Variants in ADAM22 observed in about 807,000 individuals in gnomAD.
ADAM22 encodes disintegrin and metalloproteinase domain-containing protein 22.
Under a neutral mutation model 144.6 loss-of-function variants are expected in ADAM22, and 65 were observed. That is an observed-to-expected ratio of 0.45 (90% CI 0.37 to 0.55). The LOEUF (loss-of-function observed/expected upper bound fraction) is 0.55. Among genes scored for constraint, ADAM22 ranks in the 20% least tolerant of loss-of-function variants. The pLI, the probability that ADAM22 is intolerant of heterozygous loss-of-function variation, is 0.00. For synonymous variants in ADAM22, 391 were observed against 412.6 expected (o/e 0.95, Z 0.63); for missense variants, 974 against 1,184.9 (o/e 0.82, Z 2.61).
At chr7:88,127,751 G>C (rs1387970638) in intron 8 of ADAM22, among the ~76,000 whole-genome samples, 1 of 151,968 alleles carries the variant, frequency 6.6e-6, no homozygotes, top group East Asian at 1.9e-4. Context: ...CCTTGGGCAA[G>C]TGAGCAAAAC....
rs764108242 is a variant in ADAM22, at chr7:88,181,725, G to A, written c.2596+120G>A. 4.5e-4 allele frequency: 402 copies of A among 897,114 alleles called. 1 individual carries two copies. The highest frequency in any genetic ancestry group is 6.7e-4 in the Middle Eastern group (3 of 4,484). 55.6% of individuals were successfully genotyped at this position (897,114 alleles called of 1,614,324 possible). On this transcript the variant is annotated intron_variant, in intron 28 of 31. Coordinates refer to ENST00000413139, the MANE Select transcript of ADAM22 (RefSeq NM_001324418.2). ...TTAGCTCTTCTCCCAACAGAGAGGA[G>A]AATATGTAGAATGAGAGCCTAGTTT...
At position 88,174,094 on chromosome 7, in the gene ADAM22, G is replaced by T. The variant is rs541639205; in HGVS notation, c.2300+2533G>T. 7.2e-5 allele frequency among the ~76,000 whole-genome samples: 11 copies of T among 152,114 alleles called. No individual in the cohort carries two copies. The East Asian group carries it at 9.6e-4, about 13-fold the overall frequency. ...GTAATGGCTCAGAAGTACCAAAATG[G>T]GCATAACTTTCCAATTCCTGGAGAG... On this transcript the variant is annotated intron_variant, in intron 26 of 31. Transcript: ENST00000413139.
At position 87,985,041 on chromosome 7, in the gene ADAM22, C is replaced by T. The variant is rs535102424; in HGVS notation, c.323+6629C>T. Reference sequence around the variant, plus strand: ...TTTAAAGAATTTTATTGGCTAGGTGCGGTGGCTCACGCGTGTAATCCCAGC... The same window carrying T: ...TTTAAAGAATTTTATTGGCTAGGTGTGGTGGCTCACGCGTGTAATCCCAGC... On this transcript the variant is annotated intron_variant, in intron 3 of 31. Transcript: ENST00000413139. Among the ~76,000 whole-genome samples the T allele has an allele frequency of 4.3e-4, 65 of 149,940 alleles. 1 individual carries two copies. The South Asian group carries it at 0.013, about 30-fold the overall frequency.
intron 3 of ADAM22, among the ~76,000 whole-genome samples, chr7:87,986,130 G>A (rs921397813): frequency 1.3e-5 from 2 of 152,112 alleles, no homozygotes; most frequent in East Asian, 3.9e-4. Context: ...TTTAAGGGTT[G>A]GGATTCTACT....
chr7:88,010,440 A>G (rs1470068906), intron 3 of ADAM22, among the ~76,000 whole-genome samples: 2 of 152,152 alleles, frequency 1.3e-5, no homozygotes, highest in East Asian at 3.9e-4. Context: ...GGATTTATAT[A>G]TTCGAACAGT....
chr7:88,103,185 A>G (rs1031091039), intron 4 of ADAM22, among the ~76,000 whole-genome samples: 2 of 152,166 alleles, frequency 1.3e-5, no homozygotes, highest in Non-Finnish European at 2.9e-5. Flanking sequence ...GTCAAAGTCT[A>G]GTTTCCTTTG....
chr7:88,140,602 TC>T (rs1329282045), intron 14 of ADAM22, among the ~76,000 whole-genome samples: 2 of 152,158 alleles, frequency 1.3e-5, no homozygotes, highest in African/African-American at 4.8e-5. Context: ...ATGCCTATAA[TC>T]CCAGAACTTT....
At chr7:88,185,240 A>C (rs560806666) in intron 29 of ADAM22, among the ~76,000 whole-genome samples, 1 of 152,340 alleles carries the variant, frequency 6.6e-6, no homozygotes, top group South Asian at 2.1e-4. Flanking sequence ...CTATCTTACC[A>C]AAAATGGTCT....
At chr7:88,154,333 C>A (rs1016059367) in intron 21 of ADAM22, among the ~76,000 whole-genome samples, 54 of 152,264 alleles carry the variant, frequency 3.5e-4, no homozygotes, top group Non-Finnish European at 5.4e-4. Context: ...TTATATTCTT[C>A]CAAATCTAGC....
chr7:88,104,747 T>C (rs1391892053), intron 4 of ADAM22, among the ~76,000 whole-genome samples: 1 of 152,092 alleles, frequency 6.6e-6, no homozygotes, highest in Non-Finnish European at 1.5e-5. Flanking sequence ...AATAATTACA[T>C]ATACCACCAG....
chr7:87,940,603 A>G (rs1012504738), intron 2 of ADAM22, among the ~76,000 whole-genome samples: 2 of 152,284 alleles, frequency 1.3e-5, no homozygotes, highest in Non-Finnish European at 2.9e-5. Flanking sequence ...CATATACTTT[A>G]TTTTTATCAC....
intron 1 of ADAM22, 120 bp from the exon 2 acceptor site, chr7:87,934,906 G>A: frequency 7.1e-7 from 1 of 1,408,174 alleles, no homozygotes; most frequent in Non-Finnish European, 1.0e-6. Flanking sequence ...TTCCGAGAGG[G>A]AGGGGGCGGT....
intron 2 of ADAM22, among the ~76,000 whole-genome samples, chr7:87,974,916 A>G (rs1463129278): frequency 6.6e-6 from 1 of 151,990 alleles, no homozygotes; most frequent in East Asian, 1.9e-4. Flanking sequence ...TTCCACCATC[A>G]TACCTTCTTC....
chr7:88,043,301 C>A (rs901669345), intron 3 of ADAM22, among the ~76,000 whole-genome samples: 1 of 151,798 alleles, frequency 6.6e-6, no homozygotes, highest in Admixed American at 6.6e-5. Flanking sequence ...CTGGCTAACA[C>A]GATGAAACCC....
chr7:87,981,794 A>G (rs185031225), intron 3 of ADAM22, among the ~76,000 whole-genome samples: 2 of 152,126 alleles, frequency 1.3e-5, no homozygotes, highest in East Asian at 1.9e-4. Flanking sequence ...ATCATGCTAT[A>G]TTTACAGTGT....
chr7:88,176,878 C>G (rs925114362), intron 26 of ADAM22, among the ~76,000 whole-genome samples: 3 of 152,186 alleles, frequency 2.0e-5, no homozygotes, highest in Admixed American at 6.5e-5. Context: ...ACTTCTTGTG[C>G]CTCAGCCACC....
chr7:87,958,329 T>C (rs547847078), intron 2 of ADAM22, among the ~76,000 whole-genome samples: 1 of 152,296 alleles, frequency 6.6e-6, no homozygotes, highest in East Asian at 1.9e-4. Flanking sequence ...ATGTATAGTC[T>C]CCTTTTCATC....
chr7:88,057,391 A>G (rs1168166289), intron 3 of ADAM22, among the ~76,000 whole-genome samples: 1 of 152,228 alleles, frequency 6.6e-6, no homozygotes, highest in Non-Finnish European at 1.5e-5. Context: ...TTTGTTAATC[A>G]CAAAAATATG....
At chr7:88,083,588 TG>T (rs1171818856) in intron 4 of ADAM22, among the ~76,000 whole-genome samples, 1 of 2,524 alleles carries the variant, frequency 4.0e-4, no homozygotes, top group African/African-American at 1.7e-3. Flanking sequence ...ACTTTGTGTT[TG>T]TGTGTGTGTG....
Sources: allele counts gnomAD v4.1 joint callset (sites outside exome capture counted in the v4.1 genomes callset), GRCh38; gene constraint gnomAD v4.1.1; transcripts MANE v1.5; gene names NCBI Gene and HGNC (gene_info 2026-07-23, HGNC 2026-07-21).